HEATR4: variants seen among roughly 807,000 people sequenced by gnomAD.
HEATR4 encodes the protein HEAT repeat-containing protein 4.
Under a neutral mutation model 108.8 loss-of-function variants are expected in HEATR4, and 95 were observed. The ratio of observed to expected loss-of-function variants is 0.87; its 90% CI spans 0.74 to 1.04. The LOEUF is 1.04. Ranked by LOEUF, HEATR4 falls within the 50% of genes least tolerant of loss-of-function variation. The probability of loss-of-function intolerance (pLI) is 0.00; values close to 1 mark genes in which losing one functional copy is unlikely to be tolerated. For missense variants in HEATR4, 1,152 were observed against 1,253.8 expected (o/e 0.92, Z 1.23); for synonymous variants, 443 against 459.4 (o/e 0.96, Z 0.46).
At chr14:73,579,290 A>C in the HEATR4 span, among the ~76,000 whole-genome samples, 3 of 86,962 alleles carry the variant, frequency 3.4e-5, no homozygotes, top group African/African-American at 5.0e-5. Flanking sequence ...AAAAAAAAAA[A>C]AAAACGCTGG....
chr14:73,508,272 A>T lies in HEATR4; in HGVS notation c.1743T>A (p.Ala581=). The stretch of plus-strand genomic sequence containing the variant: ...CTTCCAGAGCCAAGCACTGAGCTGC[A>T]GCCCAGCTATCCACACTGTTACCTG... ...LLKGNSVDSW[A]AAQCLALEGT... Residue 581 remains alanine (A), a synonymous_variant, in exon 9 of 18, where the codon GCT becomes GCA. Coordinates refer to ENST00000553558, the MANE Select transcript of HEATR4 (RefSeq NM_001220484.1). 6.2e-7 allele frequency: 1 copy of T among 1,614,022 alleles called. No individual in the cohort carries two copies. Among genetic ancestry groups the T allele is most frequent in the Non-Finnish European group, 8.5e-7 (1 of 1,180,008 alleles).
chr14:73,536,986 GTT>G (rs544641623), intron 1 of HEATR4: 4 of 77,462 alleles, frequency 5.2e-5, no homozygotes, highest in African/African-American at 7.1e-5. Flanking sequence ...GGTTGTTGTT[GTT>G]TTTTTTTTTT....
chr14:73,620,395 T>A, the HEATR4 span, among the ~76,000 whole-genome samples: 1 of 152,162 alleles, frequency 6.6e-6, no homozygotes, highest in African/African-American at 2.4e-5. Context: ...GCAAGAGAAA[T>A]GTAAGAAGTG....
intron 17 of HEATR4, chr14:73,491,370 C>G (rs1885720672): frequency 1.4e-5 from 19 of 1,364,572 alleles, no homozygotes; most frequent in South Asian, 1.8e-5. Flanking sequence ...CTGCAGACCC[C>G]GTCGGCGCGC....
chr14:73,561,039 A>T (rs571978375), upstream of HEATR4, among the ~76,000 whole-genome samples: 1 of 152,208 alleles, frequency 6.6e-6, no homozygotes, highest in South Asian at 2.1e-4. Flanking sequence ...AATGTGGAAG[A>T]TACATACAAC....
chr14:73,627,859 C>T, the HEATR4 span, among the ~76,000 whole-genome samples: 1 of 151,674 alleles, frequency 6.6e-6, no homozygotes, highest in East Asian at 1.9e-4. Context: ...TCTCTGTTGC[C>T]TAGGCTGGAG....
chr14:73,532,421 C>G lies in HEATR4; in HGVS notation c.-151-2177G>C, dbSNP rs188758603. On this transcript the variant is annotated intron_variant, in intron 1 of 17. Coordinates refer to ENST00000553558, the MANE Select transcript of HEATR4 (RefSeq NM_001220484.1). ...TAGAAGTCTTACAGATACAGAAATTCTGATCTTCAGGAGTCCTGTTGTGAA... is the reference window on the plus strand; with the variant it reads ...TAGAAGTCTTACAGATACAGAAATTGTGATCTTCAGGAGTCCTGTTGTGAA... Among the ~76,000 whole-genome samples the G allele has an allele frequency of 3.4e-4, 39 of 116,322 alleles. 19 individuals carry two copies. In the East Asian group the frequency reaches 0.026, roughly 79 times the overall value. The allele number at this position is 116,322 out of a possible 152,430, so 76.3% of individuals were successfully genotyped here. A position where few individuals can be genotyped will look rare whatever the true frequency, so the allele number is the denominator to read the frequency against.
At chr14:73,572,702 GT>G in the HEATR4 span, among the ~76,000 whole-genome samples, 4 of 144,230 alleles carry the variant, frequency 2.8e-5, no homozygotes, top group African/African-American at 1.0e-4. Flanking sequence ...GGCTGGAGTA[GT>G]GGCACAATCT....
At chr14:73,599,018 G>A in the HEATR4 span, among the ~76,000 whole-genome samples, 1 of 151,702 alleles carries the variant, frequency 6.6e-6, no homozygotes, top group East Asian at 1.9e-4. Context: ...AAAACAAAAA[G>A]AAGTTTGACT....
At chr14:73,607,014 C>T in the HEATR4 span, among the ~76,000 whole-genome samples, 4 of 152,098 alleles carry the variant, frequency 2.6e-5, no homozygotes, top group East Asian at 7.7e-4. Flanking sequence ...CTCTCAAGGT[C>T]ATAAAACAAG....
intron 17 of HEATR4, chr14:73,490,826 G>T (rs1035986745): frequency 2.1e-5 from 11 of 518,718 alleles, no homozygotes; most frequent in African/African-American, 5.9e-5. Context: ...TGCCGCTGCC[G>T]CTACAGCTTG....
rs373099669 is a variant in HEATR4, at chr14:73,524,662, C to T, written c.-72-1438G>A. On this transcript the variant is annotated intron_variant, in intron 2 of 17. Transcript: ENST00000553558. Reference sequence around the variant, plus strand: ...TAAGCAGAGGAGTCAGGTTTCAAATCTAGCCTACTAGATCACAACTCTGGA... The same window carrying T: ...TAAGCAGAGGAGTCAGGTTTCAAATTTAGCCTACTAGATCACAACTCTGGA... Among the ~76,000 whole-genome samples the T allele has an allele frequency of 4.7e-5, 7 of 149,728 alleles. No homozygotes were observed. In the South Asian group the frequency reaches 1.5e-3, roughly 32 times the overall value.
chr14:73,606,927 A>G, the HEATR4 span, among the ~76,000 whole-genome samples: 4 of 152,222 alleles, frequency 2.6e-5, no homozygotes, highest in Non-Finnish European at 5.9e-5. Context: ...AGCTAACTAT[A>G]ACATGATCCC....
At chr14:73,482,110 G>A (rs905828304) in intron 17 of HEATR4, among the ~76,000 whole-genome samples, 4 of 152,192 alleles carry the variant, frequency 2.6e-5, no homozygotes, top group Non-Finnish European at 5.9e-5. Context: ...CACAGGCCGG[G>A]CACACTGGCT....
In HEATR4 at chr14:73,484,212, T is replaced by G. The variant is rs183376487; in HGVS notation, c.2845-5370A>C. Among the ~76,000 whole-genome samples the G allele has an allele frequency of 1.9e-3, 287 of 151,948 alleles. 1 individual carries two copies. The highest frequency in any genetic ancestry group is 6.7e-3 in the African/African-American group (279 of 41,442). The stretch of plus-strand genomic sequence containing the variant: ...GAGGTGACATCATTTTTCAAAATTA[T>G]TTTATAGGTTATATGAGCAAGCAAA... On this transcript the variant is annotated intron_variant, in intron 17 of 17. Transcript: ENST00000553558.
chr14:73,511,570 A>AAAT (rs1887268632), intron 7 of HEATR4, among the ~76,000 whole-genome samples: 1 of 149,762 alleles, frequency 6.7e-6, no homozygotes, highest in African/African-American at 2.5e-5. Flanking sequence ...TAAATAAAAT[A>AAAT]AAATAAAAAA....
At chr14:73,624,714 C>A in the HEATR4 span, among the ~76,000 whole-genome samples, 2 of 152,178 alleles carry the variant, frequency 1.3e-5, no homozygotes, top group Non-Finnish European at 2.9e-5. Flanking sequence ...GACGTAAATC[C>A]CAGCCTAATC....
chr14:73,524,263 A>G (rs1410517269), intron 2 of HEATR4, among the ~76,000 whole-genome samples: 2 of 139,592 alleles, frequency 1.4e-5, no homozygotes, highest in East Asian at 4.2e-4. Context: ...ATTGCACACC[A>G]GCCTGGGCAA....
chr14:73,573,055 G>C, the HEATR4 span, among the ~76,000 whole-genome samples: 1 of 149,686 alleles, frequency 6.7e-6, no homozygotes, highest in Admixed American at 6.6e-5. Flanking sequence ...GTCTGTCTCC[G>C]TTGAGTAAGT....
Sources: allele counts gnomAD v4.1 joint callset (sites outside exome capture counted in the v4.1 genomes callset), GRCh38; gene constraint gnomAD v4.1.1; transcripts MANE v1.5; gene names NCBI Gene and HGNC (gene_info 2026-07-23, HGNC 2026-07-21).